The following MED13L variants were observed in gnomAD, a reference collection of about 807,000 sequenced individuals.
MED13L encodes the protein mediator of RNA polymerase II transcription subunit 13-like.
MED13L carries 7 observed loss-of-function variants against 220.9 expected under a neutral mutation model. That is an observed-to-expected ratio of 0.03 (90% CI 0.02 to 0.06). The LOEUF is 0.06. Ranked by LOEUF, MED13L falls within the 10% of genes least tolerant of loss-of-function variation. MED13L has a pLI of 1.00. For synonymous variants in MED13L, 1,011 were observed against 1,015.2 expected (o/e 1.00, Z 0.08); for missense variants, 1,965 against 2,760.5 (o/e 0.71, Z 6.46).
In MED13L at chr12:115,983,508, T is replaced by C. The variant is rs1383906628; in HGVS notation, c.4564A>G (p.Ser1522Gly). ...TGGTATTTAGGTGGTATCAATAGGCTGCTATCAAGCTGCAGAGTGGCTAAA... is the reference window on the plus strand; with the variant it reads ...TGGTATTTAGGTGGTATCAATAGGCCGCTATCAAGCTGCAGAGTGGCTAAA... ...PYLATLQLDS[S>G]LLIPPKYQTP... The change falls in exon 21 of 31, where the codon AGC becomes GGC. Residue 1522 changes from serine (S) to glycine (G), a missense_variant. By Grantham distance (56) the Ser-to-Gly change is moderately conservative. Coordinates refer to ENST00000281928, the MANE Select transcript of MED13L (RefSeq NM_015335.5). The C allele has an allele frequency of 6.2e-7, 1 of 1,614,064 alleles. No individual in the cohort carries two copies. The highest frequency in any genetic ancestry group is 1.3e-5 in the African/African-American group (1 of 74,932).
rs575286171 is a variant in MED13L at position 116,232,896 on chromosome 12, G to C, written c.310+4572C>G. On this transcript the variant is annotated intron_variant, in intron 2 of 30. Coordinates refer to ENST00000281928, the MANE Select transcript of MED13L (RefSeq NM_015335.5). The stretch of plus-strand genomic sequence containing the variant: ...GAGGTTGGGAGTTTGAGATCAACCT[G>C]GCCAACATGGTGAAACCCCATCTCT... Among the ~76,000 whole-genome samples, 203 of 152,194 alleles carry C rather than the reference G, an allele frequency of 1.3e-3. 5 individuals are homozygous for C. Among genetic ancestry groups the C allele is most frequent in the Non-Finnish European group, 1.6e-3 (110 of 68,014 alleles).
intron 3 of MED13L, among the ~76,000 whole-genome samples, chr12:116,100,784 G>A (rs1259729770): frequency 6.6e-6 from 1 of 151,926 alleles, no homozygotes. Flanking sequence ...ATGCACACCT[G>A]TAGTCCCAGC....
At position 115,980,776 on chromosome 12, in the gene MED13L, T is replaced by C. The variant is rs1324881428; in HGVS notation, c.5338A>G (p.Ile1780Val). 6.2e-7 allele frequency: 1 copy of C among 1,614,138 alleles called. No homozygotes were observed. The highest frequency in any genetic ancestry group is 1.3e-5 in the African/African-American group (1 of 75,052). Residue 1780 changes from isoleucine (I) to valine (V), a missense_variant, in exon 23 of 31, where the codon ATT (isoleucine) becomes GTT (valine). Ile to Val is a conservative substitution (Grantham distance 29). Around this residue, in one of 10 missense-constraint regions of MED13L, gnomAD observed 510 missense variants for 620.4 expected, o/e 0.82. Transcript: ENST00000281928. ...TCAGGGTTCTTGAGGGTCATCTCAA[T>C]GCTGGCTGCAGGCCCAAATCCCGTG... is the stretch of plus-strand genomic sequence containing the variant. ...SLTGFGPAAS[I>V]EMTLKNPERP...
At chr12:116,172,265 G>A (rs1259787302) in intron 2 of MED13L, among the ~76,000 whole-genome samples, 2 of 152,064 alleles carry the variant, frequency 1.3e-5, no homozygotes, top group African/African-American at 2.4e-5. Context: ...TAAAATGAAA[G>A]AATCACATTT....
intron 2 of MED13L, among the ~76,000 whole-genome samples, chr12:116,134,793 C>T (rs1876388569): frequency 6.6e-6 from 1 of 152,104 alleles, no homozygotes; most frequent in South Asian, 2.1e-4. Flanking sequence ...GTCTGACACT[C>T]CTCCCACTGA....
At position 115,986,382 on chromosome 12, in the gene MED13L, A is replaced by G. The variant is rs1453119233; in HGVS notation, c.4222T>C (p.Leu1408=). The change falls in exon 19 of 31, where the codon TTG becomes CTG. Residue 1408 remains leucine (L), a synonymous_variant. Coordinates refer to ENST00000281928, the MANE Select transcript of MED13L (RefSeq NM_015335.5). ...CGGTGGCCCCCATATGGGTCCAACAAGAGCCTCTCCCAAAACGGCAAGGAG... is the reference window on the plus strand; with the variant it reads ...CGGTGGCCCCCATATGGGTCCAACAGGAGCCTCTCCCAAAACGGCAAGGAG... ...PFSLPFWERL[L]LDPYGGHRDV... 6.2e-7 allele frequency: 1 copy of G among 1,614,154 alleles called. No individual in the cohort carries two copies. Among genetic ancestry groups the G allele is most frequent in the Non-Finnish European group, 8.5e-7 (1 of 1,180,006 alleles).
At chr12:116,111,261 TA>T (rs1191785472) in intron 3 of MED13L, among the ~76,000 whole-genome samples, 166 bp downstream of exon 3, 1 of 152,170 alleles carries the variant, frequency 6.6e-6, no homozygotes, top group Non-Finnish European at 1.5e-5. Flanking sequence ...AAAACTTCCC[TA>T]AATTTCAAAT....
intron 4 of MED13L, among the ~76,000 whole-genome samples, chr12:116,077,436 T>C (rs1870890052): frequency 6.6e-6 from 1 of 152,144 alleles, no homozygotes; most frequent in South Asian, 2.1e-4. Context: ...GTAGACCAAG[T>C]ATTTAGAGTG....
At chr12:116,217,874 A>T (rs1883095946) in intron 2 of MED13L, among the ~76,000 whole-genome samples, 1 of 152,218 alleles carries the variant, frequency 6.6e-6, no homozygotes, top group Non-Finnish European at 1.5e-5. Flanking sequence ...CCTGAGAATT[A>T]TACCAAAATA....
At chr12:115,967,461 T>C (rs1381053215) in intron 28 of MED13L, among the ~76,000 whole-genome samples, 2 of 152,144 alleles carry the variant, frequency 1.3e-5, no homozygotes, top group Non-Finnish European at 2.9e-5. Context: ...AATCATGGCA[T>C]TGAATTAAAG....
At chr12:116,130,178 T>A (rs1282668731) in intron 2 of MED13L, among the ~76,000 whole-genome samples, 2 of 152,210 alleles carry the variant, frequency 1.3e-5, no homozygotes, top group African/African-American at 2.4e-5. Context: ...TTGAAAGTGA[T>A]CATACTTGTA....
intron 25 of MED13L, among the ~76,000 whole-genome samples, chr12:115,973,011 C>T (rs991924955): frequency 6.6e-6 from 1 of 152,138 alleles, no homozygotes; most frequent in Non-Finnish European, 1.5e-5. Context: ...CACACCAGTG[C>T]AGGCTGCTCT....
chr12:116,166,281 A>G (rs1302210371), intron 2 of MED13L, among the ~76,000 whole-genome samples: 1 of 152,148 alleles, frequency 6.6e-6, no homozygotes, highest in Non-Finnish European at 1.5e-5. Flanking sequence ...GTGTTGCCAA[A>G]AGAGATTAAC....
At position 116,115,148 on chromosome 12, in the gene MED13L, G is replaced by A. The variant is rs555991989; in HGVS notation, c.311-3636C>T. On this transcript the variant is annotated intron_variant, in intron 2 of 30. Transcript: ENST00000281928. The stretch of plus-strand genomic sequence containing the variant: ...AAATACAGAAATACTTACGTCAACC[G>A]AGTTCTAGGTTTAGTATGAATTAGG... Among the ~76,000 whole-genome samples, 31 of 152,202 alleles carry A rather than the reference G, an allele frequency of 2.0e-4. No homozygotes were observed. The South Asian group carries it at 6.2e-3, about 30-fold the overall frequency.
At position 116,031,741 on chromosome 12, in the gene MED13L, AAAAGAAAAGAAAAGAAAAG is replaced by A. The variant is rs1249048060; in HGVS notation, c.480-9159_480-9141del. ...AAAAGAAAAGAAAAGAAAAGAAAAGAAAAGAAAAGAAAAGAAAAGAAGGAAGGAAGGAAGGAAGGAAGGA... is the reference window on the plus strand; with the variant it reads ...AAAAGAAAAGAAAAGAAAAGAAAAGAAAGGAAGGAAGGAAGGAAGGAAGGA... On this transcript the variant is annotated intron_variant, in intron 4 of 30. Transcript: ENST00000281928. 9.2e-4 allele frequency among the ~76,000 whole-genome samples: 61 copies of A among 66,340 alleles called. 2 individuals are homozygous for A. Among genetic ancestry groups the A allele is most frequent in the Non-Finnish European group, 1.3e-3 (50 of 39,726 alleles). 43.5% of individuals were successfully genotyped at this position (66,340 alleles called of 152,430 possible).
chr12:116,037,219 C>A (rs1468069202), intron 4 of MED13L, among the ~76,000 whole-genome samples: 2 of 152,158 alleles, frequency 1.3e-5, no homozygotes, highest in African/African-American at 4.8e-5. Flanking sequence ...ATCCAAAAAT[C>A]AGAAATGTTC....
intron 2 of MED13L, among the ~76,000 whole-genome samples, chr12:116,183,146 C>T (rs1223304304): frequency 2.0e-5 from 3 of 152,142 alleles, no homozygotes; most frequent in East Asian, 1.9e-4. Flanking sequence ...TTGAAAACAA[C>T]GGGAGTCCAG....
At chr12:116,020,210 C>T (rs1010682403) in intron 5 of MED13L, among the ~76,000 whole-genome samples, 2 of 152,058 alleles carry the variant, frequency 1.3e-5, no homozygotes, top group Admixed American at 1.3e-4. Context: ...AGTGATGCTC[C>T]CGCCTTAGCC....
At chr12:116,018,608 T>C (rs1446000200) in intron 7 of MED13L, among the ~76,000 whole-genome samples, 2 of 152,170 alleles carry the variant, frequency 1.3e-5, no homozygotes, top group Admixed American at 6.5e-5. Flanking sequence ...ATAGGAACTA[T>C]ACTACTCAAT....
Sources: gnomAD v4.1 joint callset for allele counts (sites outside exome capture counted in the v4.1 genomes callset) on GRCh38, gnomAD v4.1.1 for gene constraint, gnomAD v4.1.1 regional missense constraint, MANE v1.5 for transcripts, NCBI Gene and HGNC (gene_info 2026-07-23, HGNC 2026-07-21) for gene names.